The following BAALC variants were observed in gnomAD, a reference collection of about 807,000 sequenced individuals.
The protein encoded by BAALC is brain and acute leukemia cytoplasmic protein.
In BAALC, 9 loss-of-function variants were observed where a neutral mutation model predicts 15.5. That is an observed-to-expected ratio of 0.58 (90% CI 0.35 to 1.02). The LOEUF (loss-of-function observed/expected upper bound fraction) is 1.02, where lower values mean the gene tolerates loss of function less well. Ranked by LOEUF, BAALC falls within the 50% of genes least tolerant of loss-of-function variation. The pLI, the probability that BAALC is intolerant of heterozygous loss-of-function variation, is 0.02. For missense variants in BAALC, 201 were observed against 192.4 expected (o/e 1.04, Z -0.27); for synonymous variants, 80 against 74.6 (o/e 1.07, Z -0.37).
chr8:103,195,587 C>G, intron 1 of BAALC, among the ~76,000 whole-genome samples: 1 of 152,146 alleles, frequency 6.6e-6, no homozygotes, highest in East Asian at 1.9e-4. Flanking sequence ...CACCCTATGA[C>G]AAGTCTCTGT....
chr8:103,154,954 A>G (rs1445742796), intron 1 of BAALC, among the ~76,000 whole-genome samples: 3 of 150,604 alleles, frequency 2.0e-5, no homozygotes, highest in African/African-American at 7.3e-5. Context: ...TATATGGAGA[A>G]TAGTATAATA....
At chr8:103,217,238 T>G (rs2130078046) in intron 2 of BAALC, among the ~76,000 whole-genome samples, 1 of 152,346 alleles carries the variant, frequency 6.6e-6, no homozygotes, top group South Asian at 2.1e-4. Context: ...AGATAATCAG[T>G]GGTCTTTACA....
chr8:103,165,755 T>C (rs1392245439), intron 1 of BAALC: 1 of 152,220 alleles, frequency 6.6e-6, no homozygotes, highest in African/African-American at 2.4e-5. Context: ...AATTGAATAC[T>C]TGTGGCAACC....
chr8:103,186,204 T>C (rs1811833333), intron 1 of BAALC, among the ~76,000 whole-genome samples: 1 of 152,172 alleles, frequency 6.6e-6, no homozygotes, highest in Non-Finnish European at 1.5e-5. Flanking sequence ...CTTCCCTTTA[T>C]GGGGGGCTCC....
chr8:103,144,660 C>CT (rs1243849943), intron 1 of BAALC, among the ~76,000 whole-genome samples: 2 of 152,260 alleles, frequency 1.3e-5, no homozygotes, highest in African/African-American at 4.8e-5. Flanking sequence ...CTTAAGCACA[C>CT]TTTTTTTCTA....
intron 1 of BAALC, among the ~76,000 whole-genome samples, chr8:103,149,883 C>CT (rs1810948042): frequency 6.6e-6 from 1 of 152,186 alleles, no homozygotes; most frequent in Non-Finnish European, 1.5e-5. Context: ...CAAGCCCCCA[C>CT]AACAGGCTCA....
At chr8:103,157,371 A>T (rs1811119518) in intron 1 of BAALC, among the ~76,000 whole-genome samples, 1 of 152,210 alleles carries the variant, frequency 6.6e-6, no homozygotes, top group Non-Finnish European at 1.5e-5. Context: ...TATCCATCAC[A>T]GCTTCAACGC....
At chr8:103,201,261 C>G (rs1412452709) in intron 1 of BAALC, among the ~76,000 whole-genome samples, 1 of 152,154 alleles carries the variant, frequency 6.6e-6, no homozygotes, top group Non-Finnish European at 1.5e-5. Context: ...GCAACTCTTC[C>G]TGAGTAAATC....
At chr8:103,208,196 T>C (rs907186242) in intron 1 of BAALC, 4 of 152,270 alleles carry the variant, frequency 2.6e-5, no homozygotes, top group African/African-American at 4.8e-5. Context: ...ATCAGTGCAA[T>C]ATGTGTGCAG....
chr8:103,141,292 T>A, intron 1 of BAALC: 1 of 473,762 alleles, frequency 2.1e-6, no homozygotes, highest in Non-Finnish European at 3.6e-6. Flanking sequence ...AGCAGCCCAA[T>A]GCTCTTTGGC....
At chr8:103,166,158 T>C (rs1011077543) in intron 1 of BAALC, 1 of 152,640 alleles carries the variant, frequency 6.6e-6, no homozygotes, top group Admixed American at 6.5e-5. Context: ...CTTTGCATCA[T>C]GTCTTTTAGG....
chr8:103,162,860 C>T (rs753993970), intron 1 of BAALC, among the ~76,000 whole-genome samples: 9 of 152,078 alleles, frequency 5.9e-5, no homozygotes, highest in South Asian at 4.1e-4. Flanking sequence ...AAACAAAGGA[C>T]GTTACAACTG....
At chr8:103,170,781 G>A (rs1049381697) in intron 1 of BAALC, among the ~76,000 whole-genome samples, 1 of 152,182 alleles carries the variant, frequency 6.6e-6, no homozygotes, top group East Asian at 1.9e-4. Context: ...TAGGTATTAA[G>A]TTACGTGATT....
intron 1 of BAALC, among the ~76,000 whole-genome samples, chr8:103,178,479 T>A (rs1350891733): frequency 1.3e-5 from 2 of 152,220 alleles, no homozygotes; most frequent in Admixed American, 6.5e-5. Flanking sequence ...TTCTGTAAGA[T>A]GTTACCATTG....
intron 1 of BAALC, among the ~76,000 whole-genome samples, chr8:103,199,510 C>T (rs1203559092): frequency 6.6e-6 from 1 of 151,514 alleles, no homozygotes; most frequent in Admixed American, 6.6e-5. Context: ...AGGGTAAGCA[C>T]CCAAGGGATA....
At chr8:103,146,336 A>T (rs1810881381) in intron 1 of BAALC, among the ~76,000 whole-genome samples, 1 of 152,140 alleles carries the variant, frequency 6.6e-6, no homozygotes, top group Non-Finnish European at 1.5e-5. Flanking sequence ...CGAGAGTGAG[A>T]GCACCTGTGG....
chr8:103,158,877 A>G (rs1811160873), intron 1 of BAALC, among the ~76,000 whole-genome samples: 1 of 152,188 alleles, frequency 6.6e-6, no homozygotes, highest in African/African-American at 2.4e-5. Flanking sequence ...TGGAACCTGC[A>G]GGGAGGGAGG....
Position 103,178,197 on chromosome 8 carries a change from T to A in BAALC, c.161-34722T>A, listed in dbSNP as rs1055387846. Among the ~76,000 whole-genome samples the A allele has an allele frequency of 3.9e-5, 6 of 152,222 alleles. No homozygotes were observed. The East Asian group carries it at 1.2e-3, about 29-fold the overall frequency. On this transcript the variant is annotated intron_variant, in intron 1 of 2. Coordinates refer to ENST00000309982, the MANE Select transcript of BAALC (RefSeq NM_024812.3). ...GAGCAGGTATCACTATCTTTTTAACTCATTGATGAGGGTCACAGCTGGATG... is the reference window on the plus strand; with the variant it reads ...GAGCAGGTATCACTATCTTTTTAACACATTGATGAGGGTCACAGCTGGATG...
At chr8:103,167,316 T>C (rs533471576) in intron 1 of BAALC, among the ~76,000 whole-genome samples, 3 of 151,742 alleles carry the variant, frequency 2.0e-5, no homozygotes, top group Admixed American at 2.0e-4. Flanking sequence ...CTAGGAGGAG[T>C]CCTTGTGGAG....
Sources: allele counts gnomAD v4.1 joint callset (sites outside exome capture counted in the v4.1 genomes callset), GRCh38; gene constraint gnomAD v4.1.1; transcripts MANE v1.5; gene names NCBI Gene and HGNC (gene_info 2026-07-23, HGNC 2026-07-21).